The following FBXO11 variants were observed in gnomAD, a reference collection of about 807,000 sequenced individuals.
FBXO11 encodes F-box only protein 11.
Under a neutral mutation model 117.0 loss-of-function variants are expected in FBXO11, and 13 were observed. The observed-to-expected ratio is 0.11, with a 90% CI of 0.07 to 0.18. The LOEUF (loss-of-function observed/expected upper bound fraction) is 0.18, where lower values mean the gene tolerates loss of function less well. Ranked by LOEUF, FBXO11 falls within the 10% of genes least tolerant of loss-of-function variation. The pLI is 1.00. For missense variants in FBXO11, 767 were observed against 1,164.4 expected (o/e 0.66, Z 4.97); for synonymous variants, 490 against 380.5 (o/e 1.29, Z -3.35).
intron 1 of FBXO11, among the ~76,000 whole-genome samples, chr2:47,869,551 T>C (rs1197941625): frequency 3.3e-5 from 5 of 152,176 alleles, no homozygotes; most frequent in Non-Finnish European, 7.3e-5. Flanking sequence ...GTGGGACTAC[T>C]AATGGCCCAG....
chr2:47,888,605 C>T, intron 1 of FBXO11: 1 of 855,138 alleles, frequency 1.2e-6, no homozygotes, highest in Non-Finnish European at 1.4e-6. Flanking sequence ...TACTTTCAAC[C>T]ACTCTGAAAG....
intron 1 of FBXO11, among the ~76,000 whole-genome samples, chr2:47,843,086 A>G (rs1182767388): frequency 6.6e-6 from 1 of 152,240 alleles, no homozygotes; most frequent in Non-Finnish European, 1.5e-5. Context: ...CAATGTGCCC[A>G]GCTTGTAAAT....
chr2:47,808,522 G>A (rs778296077), intron 21 of FBXO11, 95 bp from the exon 22 acceptor site: 23 of 1,154,874 alleles, frequency 2.0e-5, no homozygotes, highest in Non-Finnish European at 1.1e-5. Context: ...TTGGCTTTAA[G>A]AGGACCAAAA....
In FBXO11 at chr2:47,823,341, T is replaced by C. The variant is rs753451325; in HGVS notation, c.1418A>G (p.Asn473Ser). The change falls in exon 12 of 23, where the codon AAT (asparagine) becomes AGT (serine). Residue 473 changes from asparagine (N) to serine (S), a missense_variant. By Grantham distance (46) the Asn-to-Ser change is conservative (BLOSUM62 1). This residue lies in a region of FBXO11 where 67 missense variants were observed against 148.8 expected (regional missense o/e 0.45). Coordinates refer to ENST00000403359, the MANE Select transcript of FBXO11 (RefSeq NM_001190274.2). Reference protein sequence around the residue: ...DHGMGYFESCNIHRNRIAGFE... With the variant: ...DHGMGYFESCSIHRNRIAGFE... ...GCCTGCTATCCTATTTCTGTGTATA[T>C]TGCAACTTTCAAAGTAACCCTGAAA... 1.4e-5 allele frequency: 23 copies of C among 1,606,308 alleles called. No individual in the cohort carries two copies. The highest frequency in any genetic ancestry group is 2.2e-5 in the East Asian group (1 of 44,752).
intron 2 of FBXO11, 46 bp from the exon 3 acceptor site, chr2:47,839,546 C>G: frequency 6.2e-7 from 1 of 1,605,406 alleles, no homozygotes; most frequent in Non-Finnish European, 8.5e-7. Context: ...TTCTTATCAT[C>G]CATAATCATT....
At chr2:47,880,645 A>G (rs573989169) in intron 1 of FBXO11, among the ~76,000 whole-genome samples, 2 of 152,148 alleles carry the variant, frequency 1.3e-5, no homozygotes, top group Non-Finnish European at 2.9e-5. Flanking sequence ...TGCTTCACCA[A>G]GTTTGCTATG....
At chr2:47,876,175 G>A (rs1675989476) in intron 1 of FBXO11, among the ~76,000 whole-genome samples, 1 of 152,210 alleles carries the variant, frequency 6.6e-6, no homozygotes, top group South Asian at 2.1e-4. Flanking sequence ...ATACCCTGAA[G>A]TTGGTCAGTG....
Position 47,850,840 on chromosome 2 carries a change from T to C in FBXO11, c.233-11071A>G, listed in dbSNP as rs147948947. The stretch of plus-strand genomic sequence containing the variant: ...CTCTCATTGCTTTTGGGAAAAGGAG[T>C]GTAAAATAGTCTCTCCCCAGAATGG... On this transcript the variant is annotated intron_variant, in intron 1 of 22. Coordinates refer to ENST00000403359, the MANE Select transcript of FBXO11 (RefSeq NM_001190274.2). Among the ~76,000 whole-genome samples, 327 of 152,280 alleles carry C rather than the reference T, an allele frequency of 2.1e-3. 1 individual carries two copies. The highest frequency in any genetic ancestry group is 7.5e-3 in the African/African-American group (313 of 41,566).
Position 47,809,279 on chromosome 2 carries a change from A to G in FBXO11, c.2447-13T>C, listed in dbSNP as rs1558400618. On this transcript the variant is annotated splice_polypyrimidine_tract_variant and intron_variant, in intron 20 of 22. Coordinates refer to ENST00000403359, the MANE Select transcript of FBXO11 (RefSeq NM_001190274.2). ...ATTATTTTGTTATCTGTAATAAAAG[A>G]AAGAATAAGTAAAAATTCAGAGGAA... is the stretch of plus-strand genomic sequence containing the variant. 1.2e-5 allele frequency: 17 copies of G among 1,470,774 alleles called. No homozygotes were observed. Among genetic ancestry groups the G allele is most frequent in the Non-Finnish European group, 1.6e-5 (17 of 1,066,870 alleles). 91.1% of individuals were successfully genotyped at this position (1,470,774 alleles called of 1,614,324 possible).
chr2:47,880,107 C>T (rs918312133), intron 1 of FBXO11, among the ~76,000 whole-genome samples: 2 of 152,014 alleles, frequency 1.3e-5, no homozygotes, highest in African/African-American at 4.8e-5. Context: ...GAGATTCTCC[C>T]ACCACAGCCT....
chr2:47,845,198 A>G (rs958406501), intron 1 of FBXO11, among the ~76,000 whole-genome samples: 3 of 148,520 alleles, frequency 2.0e-5, no homozygotes, highest in African/African-American at 7.4e-5. Flanking sequence ...AGCAAATAGT[A>G]AAGACTGAAA....
chr2:47,845,278 C>A (rs1350396038), intron 1 of FBXO11, among the ~76,000 whole-genome samples: 2 of 152,088 alleles, frequency 1.3e-5, no homozygotes, highest in Non-Finnish European at 2.9e-5. Context: ...CTAAAATGTA[C>A]AGCAAATAAA....
At chr2:47,904,703 G>C (rs1476051780) in intron 1 of FBXO11, among the ~76,000 whole-genome samples, 1 of 152,112 alleles carries the variant, frequency 6.6e-6, no homozygotes, top group African/African-American at 2.4e-5. Context: ...GGCATGGGGG[G>C]TCGCTCGGGG....
Position 47,834,727 on chromosome 2 carries a change from T to A in FBXO11, c.802-16A>T, listed in dbSNP as rs202141407. On this transcript the variant is annotated splice_polypyrimidine_tract_variant and intron_variant, in intron 6 of 22. Coordinates refer to ENST00000403359, the MANE Select transcript of FBXO11 (RefSeq NM_001190274.2). ...TATCATAATACTAGAAAAAAATAAA[T>A]GTGTCAGTACAGAACTGAAAGATTA... 2 of 1,606,910 alleles carry A rather than the reference T, an allele frequency of 1.2e-6. No homozygotes were observed. Among genetic ancestry groups the A allele is most frequent in the Non-Finnish European group, 1.7e-6 (2 of 1,177,946 alleles).
intron 1 of FBXO11, among the ~76,000 whole-genome samples, chr2:47,871,709 T>C (rs1211136496): frequency 6.6e-6 from 1 of 152,236 alleles, no homozygotes; most frequent in Non-Finnish European, 1.5e-5. Context: ...CCTTGAATCC[T>C]GTAGATGTTA....
At chr2:47,810,664 G>T in intron 18 of FBXO11, 3 of 379,058 alleles carry the variant, frequency 7.9e-6, no homozygotes, top group Non-Finnish European at 1.4e-5. Context: ...ATGATAGCAG[G>T]GTCCATGTCT....
chr2:47,838,104 A>T (rs557779924), intron 4 of FBXO11, among the ~76,000 whole-genome samples: 2 of 149,440 alleles, frequency 1.3e-5, no homozygotes, highest in South Asian at 4.2e-4. Flanking sequence ...ATGGTGACAC[A>T]TGCCTGTGGT....
intron 1 of FBXO11, among the ~76,000 whole-genome samples, chr2:47,863,969 G>C (rs550497542): frequency 1.3e-5 from 2 of 151,360 alleles, no homozygotes; most frequent in South Asian, 4.2e-4. Context: ...ACCCCATAAA[G>C]ACAAATCAAT....
chr2:47,853,149 G>A (rs1371951517), intron 1 of FBXO11, among the ~76,000 whole-genome samples: 1 of 151,098 alleles, frequency 6.6e-6, no homozygotes, highest in Non-Finnish European at 1.5e-5. Context: ...TTGGCTGACT[G>A]CAACCTCCGC....
Sources: gnomAD v4.1 joint callset for allele counts (sites outside exome capture counted in the v4.1 genomes callset) on GRCh38, gnomAD v4.1.1 for gene constraint, gnomAD v4.1.1 regional missense constraint, MANE v1.5 for transcripts, NCBI Gene and HGNC (gene_info 2026-07-23, HGNC 2026-07-21) for gene names.